The following FNDC3A variants were observed in gnomAD, a reference collection of about 807,000 sequenced individuals.
The protein encoded by FNDC3A is fibronectin type-III domain-containing protein 3A.
In FNDC3A, 32 loss-of-function variants were observed where a neutral mutation model predicts 148.9. That is an observed-to-expected ratio of 0.21 (90% CI 0.16 to 0.29). The LOEUF (loss-of-function observed/expected upper bound fraction) is 0.29. Among genes scored for constraint, FNDC3A ranks in the 10% least tolerant of loss-of-function variants. FNDC3A has a pLI of 1.00. For missense variants in FNDC3A, 1,191 were observed against 1,452.8 expected, an observed-to-expected ratio of 0.82 and a Z score of 2.93; for synonymous variants, 472 against 473.6, an observed-to-expected ratio of 1.00 and a Z score of 0.04.
rs771466890 is a variant in FNDC3A at position 49,191,105 on chromosome 13, A to G, written c.2035A>G (p.Ile679Val). 7 of 1,613,552 alleles carry G rather than the reference A, an allele frequency of 4.3e-6. No homozygotes were observed. Among genetic ancestry groups the G allele is most frequent in the Non-Finnish European group, 5.9e-6 (7 of 1,179,784 alleles). The part of the protein sequence containing the change: ...RLQGRPKAKE[I>V]QLRWGPPLVD... The stretch of plus-strand genomic sequence containing the variant: ...ACAGGGTAGACCCAAAGCAAAAGAA[A>G]TACAGTTACGATGGGGTAATTTCCA... Residue 679 changes from isoleucine to valine, a missense_variant, in exon 18 of 26, where the codon ATA (isoleucine) becomes GTA (valine). Ile to Val is a conservative substitution (Grantham distance 29). This residue lies in a region of FNDC3A where 751 missense variants were observed against 944.0 expected (regional missense o/e 0.80). Transcript: ENST00000492622.
intron 1 of FNDC3A, among the ~76,000 whole-genome samples, chr13:48,994,441 T>C (rs1347040546): frequency 6.6e-6 from 1 of 152,212 alleles, no homozygotes; most frequent in African/African-American, 2.4e-5. Flanking sequence ...GTTTTGTAAT[T>C]ATGTTTTAAA....
chr13:49,040,664 A>G (rs1162759203), intron 2 of FNDC3A, among the ~76,000 whole-genome samples: 1 of 152,206 alleles, frequency 6.6e-6, no homozygotes, highest in African/African-American at 2.4e-5. Context: ...AAATTTAAAG[A>G]TATTGAAGGA....
intron 8 of FNDC3A, among the ~76,000 whole-genome samples, chr13:49,163,894 T>C (rs1317388470): frequency 1.3e-5 from 2 of 152,216 alleles, no homozygotes; most frequent in African/African-American, 2.4e-5. Flanking sequence ...TTCTTTCTTA[T>C]TATGATTGTG....
At chr13:49,134,841 C>CTT (rs1168216037) in intron 5 of FNDC3A, among the ~76,000 whole-genome samples, 417 of 2,632 alleles carry the variant, frequency 0.16, 173 homozygotes, top group Non-Finnish European at 0.19. Flanking sequence ...GAGTTTCACT[C>CTT]TTTTTTTTTT....
intron 1 of FNDC3A, among the ~76,000 whole-genome samples, chr13:48,983,641 G>T (rs904452817): frequency 6.6e-6 from 1 of 152,148 alleles, no homozygotes; most frequent in East Asian, 1.9e-4. Flanking sequence ...ATTTGTGCTT[G>T]ACAAATAAAA....
intron 2 of FNDC3A, among the ~76,000 whole-genome samples, chr13:49,031,779 G>T (rs1874137053): frequency 6.6e-6 from 1 of 152,012 alleles, no homozygotes; most frequent in Non-Finnish European, 1.5e-5. Flanking sequence ...ATGAGATACA[G>T]TATACTTCAT....
At chr13:49,000,850 A>G (rs1211280837) in intron 1 of FNDC3A, among the ~76,000 whole-genome samples, 2 of 151,460 alleles carry the variant, frequency 1.3e-5, no homozygotes, top group African/African-American at 4.9e-5. Context: ...GAATTTTTTT[A>G]TTTCTTTTTC....
chr13:49,162,216 C>G (rs1158973113), intron 8 of FNDC3A, among the ~76,000 whole-genome samples: 2 of 152,164 alleles, frequency 1.3e-5, no homozygotes, highest in Non-Finnish European at 2.9e-5. Context: ...CAGCTTGGTT[C>G]CATTCTCCCT....
chr13:49,167,386 T>C (rs1884529039), intron 9 of FNDC3A, 83 bp downstream of exon 9: 1 of 768,582 alleles, frequency 1.3e-6, no homozygotes, highest in Admixed American at 3.0e-5. Flanking sequence ...AAAAATCTAG[T>C]ATATAATTTA....
rs575215282 is a variant in FNDC3A, at chr13:49,127,166, A to AG, written c.253-3969dup. ...GAACCCATCCCATTTTGCCTGTGTA[A>AG]GGACACATTACTCTAGCATTTTTCT... On this transcript the variant is annotated intron_variant, in intron 4 of 25. Transcript: ENST00000492622. 1.1e-4 allele frequency among the ~76,000 whole-genome samples: 16 copies of AG among 152,320 alleles called. No homozygotes were observed. In the East Asian group the frequency reaches 1.9e-3, roughly 18 times the overall value.
intron 14 of FNDC3A, among the ~76,000 whole-genome samples, chr13:49,182,123 C>T (rs1044334556): frequency 6.6e-6 from 1 of 152,010 alleles, no homozygotes; most frequent in African/African-American, 2.4e-5. Flanking sequence ...GCTGGGACTA[C>T]AGGCATGAGC....
chr13:49,011,240 CTT>C (rs71186322), intron 2 of FNDC3A, among the ~76,000 whole-genome samples: 7 of 148,878 alleles, frequency 4.7e-5, no homozygotes, highest in Non-Finnish European at 7.5e-5. Context: ...TGATGTCTTT[CTT>C]TTTTTTTTTG....
intron 8 of FNDC3A, among the ~76,000 whole-genome samples, chr13:49,150,157 T>C (rs952052137): frequency 6.6e-6 from 1 of 152,204 alleles, no homozygotes; most frequent in African/African-American, 2.4e-5. Context: ...TAAGCTGGAC[T>C]CAAACTCCTG....
chr13:49,029,536 C>T (rs556320378), intron 2 of FNDC3A, among the ~76,000 whole-genome samples: 1 of 152,130 alleles, frequency 6.6e-6, no homozygotes, highest in African/African-American at 2.4e-5. Flanking sequence ...AAACTAAACC[C>T]AGAGCTGGCA....
chr13:49,191,443 C>A, intron 19 of FNDC3A, 59 bp downstream of exon 19: 2 of 1,331,558 alleles, frequency 1.5e-6, no homozygotes, highest in Non-Finnish European at 2.0e-6. Context: ...TTCATTTTAA[C>A]ATATATCATC....
intron 14 of FNDC3A, among the ~76,000 whole-genome samples, chr13:49,181,275 A>G (rs767033593): frequency 1.7e-4 from 26 of 152,228 alleles, no homozygotes; most frequent in Non-Finnish European, 3.2e-4. Context: ...ACTGGATAAA[A>G]GGAAGGGGGC....
chr13:49,026,258 G>T (rs17465832), intron 2 of FNDC3A, among the ~76,000 whole-genome samples: 1 of 152,140 alleles, frequency 6.6e-6, no homozygotes, highest in Non-Finnish European at 1.5e-5. Context: ...ATAAGCATGC[G>T]TATGAAGAAT....
chr13:49,169,934 C>T (rs995723039), intron 10 of FNDC3A, among the ~76,000 whole-genome samples: 2 of 152,152 alleles, frequency 1.3e-5, no homozygotes, highest in Admixed American at 1.3e-4. Flanking sequence ...TGTGGATATG[C>T]TCAGACCCTT....
intron 15 of FNDC3A, among the ~76,000 whole-genome samples, chr13:49,186,358 A>T (rs906798401): frequency 2.0e-5 from 3 of 152,188 alleles, no homozygotes; most frequent in Non-Finnish European, 4.4e-5. Flanking sequence ...GAAATGAAGG[A>T]TTACTGAACT....
Sources: allele counts gnomAD v4.1 joint callset (sites outside exome capture counted in the v4.1 genomes callset), GRCh38; gene constraint gnomAD v4.1.1; regional missense constraint gnomAD v4.1.1; transcripts MANE v1.5; gene names NCBI Gene and HGNC (gene_info 2026-07-23, HGNC 2026-07-21).